BNIP3L: variants seen among roughly 807,000 people sequenced by gnomAD.
BNIP3L encodes the protein BCL2/adenovirus E1B 19 kDa protein-interacting protein 3-like.
In BNIP3L, 10 loss-of-function variants were observed where a neutral mutation model predicts 25.5. That is an observed-to-expected ratio of 0.39 (90% CI 0.24 to 0.67). BNIP3L has a LOEUF of 0.67. BNIP3L is among the 30% of genes least tolerant of loss of function. The pLI is 0.45. For synonymous variants in BNIP3L, 113 were observed against 101.2 expected (o/e 1.12, Z -0.70); for missense variants, 215 against 270.9 (o/e 0.79, Z 1.45).
In BNIP3L at chr8:26,410,638, A is replaced by C; in HGVS notation, c.*226A>C. On this transcript the variant is annotated 3_prime_UTR_variant, in exon 6 of 6. Transcript: ENST00000380629. ...TGAAGACATTTTAGAATTTCCTAAC[A>C]GAGTTTACTGTTGTTTAGAAATTTG... 1.8e-6 allele frequency: 1 copy of C among 547,574 alleles called. No homozygotes were observed. Among genetic ancestry groups the C allele is most frequent in the Non-Finnish European group, 3.3e-6 (1 of 305,764 alleles). 33.9% of individuals were successfully genotyped at this position (547,574 alleles called of 1,614,324 possible).
At chr8:26,391,502 G>A (rs2304300) in intron 2 of BNIP3L, 76 bp downstream of exon 2, 892,088 of 1,265,106 alleles carry the variant, frequency 0.71, 316,526 homozygotes, top group East Asian at 0.87. Flanking sequence ...GGAAAAATCT[G>A]TTTGCTTAAA....
chr8:26,383,384 A>G, intron 1 of BNIP3L, 154 bp downstream of exon 1: 1 of 1,449,406 alleles, frequency 6.9e-7, no homozygotes, highest in South Asian at 1.4e-5. Flanking sequence ...TCCCCTGTCA[A>G]GAGGAGGGGC....
intron 1 of BNIP3L, among the ~76,000 whole-genome samples, chr8:26,389,631 AT>A (rs1806062128): frequency 2.6e-5 from 4 of 152,204 alleles, no homozygotes; most frequent in Admixed American, 2.6e-4. Flanking sequence ...ATAAAAGAAA[AT>A]TCTAGTGTAT....
intron 1 of BNIP3L, chr8:26,390,543 A>G (rs937284971): frequency 2.0e-6 from 2 of 984,830 alleles, no homozygotes; most frequent in African/African-American, 1.7e-5. Flanking sequence ...AAAAAAGGAG[A>G]AGGACTAGAA....
rs768333001 is a variant in BNIP3L at position 26,412,657 on chromosome 8, T to C, written c.*2245T>C. ...CTAACACATGGGATGAACGTTTTACTGCTACACCCAGATTTGTGTTGAACG... is the reference window on the plus strand; with the variant it reads ...CTAACACATGGGATGAACGTTTTACCGCTACACCCAGATTTGTGTTGAACG... On this transcript the variant is annotated 3_prime_UTR_variant, in exon 6 of 6. Coordinates refer to ENST00000380629, the MANE Select transcript of BNIP3L (RefSeq NM_004331.3). 6.6e-6 allele frequency: 1 copy of C among 152,648 alleles called. No individual in the cohort carries two copies. The highest frequency in any genetic ancestry group is 1.5e-5 in the Non-Finnish European group (1 of 68,034). The allele number at this position is 152,648 out of a possible 1,614,324, so 9.5% of individuals were successfully genotyped here.
chr8:26,384,841 G>A (rs748922590), intron 1 of BNIP3L, among the ~76,000 whole-genome samples: 6 of 151,236 alleles, frequency 4.0e-5, no homozygotes, highest in Non-Finnish European at 7.4e-5. Flanking sequence ...GGGACTACAG[G>A]TGCCTGCCAC....
chr8:26,402,165 A>G (rs1183175624), intron 3 of BNIP3L, among the ~76,000 whole-genome samples: 3 of 152,104 alleles, frequency 2.0e-5, no homozygotes, highest in Non-Finnish European at 4.4e-5. Context: ...ACTATGCTCT[A>G]TTTTTGCTTT....
Position 26,383,075 on chromosome 8 carries a change from T to G in BNIP3L, c.-56T>G. The G allele has an allele frequency of 1.4e-6, 2 of 1,477,158 alleles. No individual in the cohort carries two copies. Among genetic ancestry groups the G allele is most frequent in the Non-Finnish European group, 1.8e-6 (2 of 1,085,694 alleles). The allele number at this position is 1,477,158 out of a possible 1,614,324, so 91.5% of individuals were successfully genotyped here. A position where few individuals can be genotyped will look rare whatever the true frequency, so the allele number is the denominator to read the frequency against. On this transcript the variant is annotated 5_prime_UTR_variant, in exon 1 of 6. Transcript: ENST00000380629. ...CGGCGGACTCGGCTTGTTGTGTTGC[T>G]GCCTGAGTGCCGGAGACGGTCCTGC...
intron 1 of BNIP3L, among the ~76,000 whole-genome samples, chr8:26,384,352 C>G (rs371674171): frequency 1.3e-5 from 2 of 152,086 alleles, no homozygotes; most frequent in African/African-American, 2.4e-5. Context: ...CACCAGGTAG[C>G]GATGGAGTTT....
intron 3 of BNIP3L, among the ~76,000 whole-genome samples, chr8:26,406,150 C>T (rs1349874922): frequency 6.6e-6 from 1 of 152,148 alleles, no homozygotes; most frequent in Non-Finnish European, 1.5e-5. Flanking sequence ...GTTAATTGTT[C>T]TTGGCCTGAA....
chr8:26,388,346 T>C (rs1806034293), intron 1 of BNIP3L, among the ~76,000 whole-genome samples: 1 of 152,206 alleles, frequency 6.6e-6, no homozygotes, highest in Non-Finnish European at 1.5e-5. Context: ...GATACAGTTA[T>C]TATCTCTATT....
chr8:26,410,237 A>G, intron 5 of BNIP3L, 127 bp from the exon 6 acceptor site: 1 of 969,284 alleles, frequency 1.0e-6, no homozygotes, highest in Non-Finnish European at 1.6e-6. Context: ...GTGTTTGGGG[A>G]GCGGTACCCA....
At chr8:26,384,370 T>A (rs1313575985) in intron 1 of BNIP3L, among the ~76,000 whole-genome samples, 1 of 152,174 alleles carries the variant, frequency 6.6e-6, no homozygotes, top group Non-Finnish European at 1.5e-5. Flanking sequence ...TTTGGAGATT[T>A]TAAGATGGAT....
chr8:26,388,902 ATTGC>A (rs1298734466), intron 1 of BNIP3L, among the ~76,000 whole-genome samples: 3 of 152,098 alleles, frequency 2.0e-5, no homozygotes, highest in Non-Finnish European at 1.5e-5. Context: ...AGGTGGGAGG[ATTGC>A]TTGGGCCCAG....
intron 1 of BNIP3L, among the ~76,000 whole-genome samples, chr8:26,385,230 G>A (rs1563336681): frequency 6.6e-6 from 1 of 152,112 alleles, no homozygotes; most frequent in Non-Finnish European, 1.5e-5. Context: ...AAGATACTTG[G>A]TAGGTGTACG....
At position 26,391,328 on chromosome 8, in the gene BNIP3L, C is replaced by T. The variant is rs778010182; in HGVS notation, c.186C>T (p.Ser62=). Residue 62 remains serine (S), a synonymous_variant, in exon 2 of 6, where the codon TCC becomes TCT. Transcript: ENST00000380629. ...GKNGGLEHVP[S]SSSIHNGDME... ...ATGGGGGGCTGGAACACGTACCATC[C>T]TCATCCTCCATCCACAATGGAGACA... The T allele has an allele frequency of 1.2e-6, 2 of 1,611,742 alleles. No homozygotes were observed. Among genetic ancestry groups the T allele is most frequent in the East Asian group, 2.2e-5 (1 of 44,706 alleles).
At chr8:26,407,246 C>T (rs186188696) in intron 3 of BNIP3L, among the ~76,000 whole-genome samples, 50 of 151,280 alleles carry the variant, frequency 3.3e-4, no homozygotes, top group African/African-American at 8.0e-4. Context: ...AGTGTAGTGG[C>T]GCGATCTCTG....
intron 1 of BNIP3L, chr8:26,390,561 G>A: frequency 1.0e-6 from 1 of 982,996 alleles, no homozygotes; most frequent in Non-Finnish European, 1.2e-6. Context: ...GAAAGCCTGA[G>A]ATACAAAGGA....
Position 26,408,086 on chromosome 8 carries a change from C to A in BNIP3L, c.444C>A (p.Pro148=). ...ADWVSDWSSR[P]ENIPPKEFHF... ...GGGTATCAGACTGGTCCAGTAGACC[C>A]GAAAACATTCCACCCAAGTGAGTTC... The change falls in exon 4 of 6, where the codon CCC becomes CCA. Residue 148 remains proline, a synonymous_variant. Transcript: ENST00000380629. 6.2e-7 allele frequency: 1 copy of A among 1,614,150 alleles called. No individual in the cohort carries two copies.
Sources: allele counts gnomAD v4.1 joint callset (sites outside exome capture counted in the v4.1 genomes callset), GRCh38; gene constraint gnomAD v4.1.1; transcripts MANE v1.5; gene names NCBI Gene and HGNC (gene_info 2026-07-23, HGNC 2026-07-21).